ATP10B: variants seen among roughly 807,000 people sequenced by gnomAD.
The protein encoded by ATP10B is phospholipid-transporting ATPase VB.
ATP10B carries 122 observed loss-of-function variants against 141.2 expected under a neutral mutation model. The ratio of observed to expected loss-of-function variants is 0.86; its 90% CI spans 0.75 to 1.00. ATP10B has a LOEUF of 1.00. ATP10B is among the 50% of genes least tolerant of loss of function. The probability of loss-of-function intolerance (pLI) is 0.00; values close to 1 mark genes in which losing one functional copy is unlikely to be tolerated. For missense variants in ATP10B, 1,876 were observed against 1,825.3 expected (o/e 1.03, Z -0.51); for synonymous variants, 685 against 692.0 (o/e 0.99, Z 0.16).
intron 2 of ATP10B, among the ~76,000 whole-genome samples, chr5:160,761,925 T>C (rs951309243): frequency 6.6e-6 from 1 of 151,964 alleles, no homozygotes. Context: ...CTTAGAGAAA[T>C]GCAAAACACA....
the ATP10B span, among the ~76,000 whole-genome samples, chr5:160,870,075 A>G: frequency 2.0e-5 from 3 of 152,102 alleles, no homozygotes; most frequent in African/African-American, 7.2e-5. Context: ...GAATTAGGGG[A>G]AAGAAAATAC....
At chr5:160,834,683 C>T (rs1775309428) in intron 1 of ATP10B, among the ~76,000 whole-genome samples, 1 of 152,080 alleles carries the variant, frequency 6.6e-6, no homozygotes, top group Non-Finnish European at 1.5e-5. Context: ...TTTTGGTTCA[C>T]AATGTGCTTT....
chr5:160,590,834 C>G (rs1756238880), intron 23 of ATP10B, among the ~76,000 whole-genome samples: 1 of 152,194 alleles, frequency 6.6e-6, no homozygotes, highest in Admixed American at 6.5e-5. Flanking sequence ...AAAAAATGAC[C>G]CAGTATAAAT....
At chr5:160,584,452 C>G (rs1755757655) in intron 24 of ATP10B, among the ~76,000 whole-genome samples, 1 of 152,210 alleles carries the variant, frequency 6.6e-6, no homozygotes, top group Admixed American at 6.5e-5. Context: ...TTGCTAGGAA[C>G]TGCAGGCTGG....
Position 160,712,759 on chromosome 5 carries a change from A to C in ATP10B, c.-205+4150T>G, listed in dbSNP as rs1765414849. On this transcript the variant is annotated intron_variant, in intron 3 of 25. Transcript: ENST00000327245. ...TTCTCTTGTAGGCATTTAGTGCTAT[A>C]AACTTCTCTCTACACACTGCTTTGA... Among the ~76,000 whole-genome samples, 2 of 26,708 alleles carry C rather than the reference A, an allele frequency of 7.5e-5. 1 individual carries two copies. Among genetic ancestry groups the C allele is most frequent in the South Asian group, 3.3e-3 (2 of 612 alleles). The allele number at this position is 26,708 out of a possible 152,430, so 17.5% of individuals were successfully genotyped here.
At chr5:160,646,795 G>T (rs940658185) in intron 8 of ATP10B, among the ~76,000 whole-genome samples, 1 of 152,214 alleles carries the variant, frequency 6.6e-6, no homozygotes, top group Non-Finnish European at 1.5e-5. Context: ...AAAAGGATTT[G>T]CTATCTTATA....
intron 2 of ATP10B, among the ~76,000 whole-genome samples, chr5:160,736,032 A>G (rs1331379793): frequency 6.6e-6 from 1 of 152,200 alleles, no homozygotes; most frequent in Non-Finnish European, 1.5e-5. Flanking sequence ...GCCTATAAAG[A>G]GGAAAAACTT....
upstream of ATP10B, among the ~76,000 whole-genome samples, chr5:160,854,487 G>A (rs181194340): frequency 5.9e-3 from 894 of 152,198 alleles, 12 homozygotes; most frequent in African/African-American, 0.02. Context: ...CCATGTCCCT[G>A]CAAAGGACAT....
intron 7 of ATP10B, among the ~76,000 whole-genome samples, chr5:160,660,531 A>G (rs1449294235): frequency 6.6e-6 from 1 of 152,236 alleles, no homozygotes. Context: ...AAATGAGAGG[A>G]AAGACTCAAA....
At chr5:160,893,803 G>T in the ATP10B span, among the ~76,000 whole-genome samples, 4 of 152,170 alleles carry the variant, frequency 2.6e-5, no homozygotes, top group Non-Finnish European at 5.9e-5. Flanking sequence ...GCTCTGGCTG[G>T]CATCTGGCGG....
chr5:160,796,522 A>G (rs745387531), intron 1 of ATP10B, among the ~76,000 whole-genome samples: 1 of 152,142 alleles, frequency 6.6e-6, no homozygotes, highest in Non-Finnish European at 1.5e-5. Flanking sequence ...TCTTTCCCAG[A>G]TGCATTCAGG....
intron 1 of ATP10B, among the ~76,000 whole-genome samples, chr5:160,848,820 T>G (rs1753604160): frequency 6.6e-6 from 1 of 152,196 alleles, no homozygotes; most frequent in Non-Finnish European, 1.5e-5. Context: ...TCTAGCTATT[T>G]GATATAATAC....
intron 1 of ATP10B, among the ~76,000 whole-genome samples, chr5:160,820,360 G>T (rs1218816167): frequency 1.3e-5 from 2 of 151,760 alleles, no homozygotes; most frequent in Non-Finnish European, 1.5e-5. Context: ...CTAGTAACAA[G>T]TAACAAGATT....
At chr5:160,630,022 C>A (rs528272147) in intron 13 of ATP10B, among the ~76,000 whole-genome samples, 3 of 152,196 alleles carry the variant, frequency 2.0e-5, no homozygotes, top group Non-Finnish European at 4.4e-5. Context: ...AAAACCAGAA[C>A]CTCCATTTCC....
At position 160,851,956 on chromosome 5, in the gene ATP10B, G is replaced by A. The variant is rs189617260; in HGVS notation, c.-591C>T. ...TTTTACTTACCCCAGCAAAGCTGAC[G>A]TCCCTATTGAGCAGACTCCAGTAGA... is the stretch of plus-strand genomic sequence containing the variant. On this transcript the variant is annotated 5_prime_UTR_variant, in exon 1 of 26. The change creates a new upstream start codon in the 5' untranslated region. Transcript: ENST00000327245. The A allele has an allele frequency of 1.3e-5, 2 of 152,254 alleles. No homozygotes were observed. Among genetic ancestry groups the A allele is most frequent in the East Asian group, 3.9e-4 (2 of 5,182 alleles). The allele number at this position is 152,254 out of a possible 1,614,324, so 9.4% of individuals were successfully genotyped here. A position where few individuals can be genotyped will look rare whatever the true frequency, so the allele number is the denominator to read the frequency against.
chr5:160,881,776 A>C, the ATP10B span, among the ~76,000 whole-genome samples: 1 of 152,196 alleles, frequency 6.6e-6, no homozygotes, highest in East Asian at 1.9e-4. Flanking sequence ...GCGCCACTGC[A>C]CTCCAGCCTG....
chr5:160,749,383 GGAA>G (rs1235792637), intron 2 of ATP10B, among the ~76,000 whole-genome samples: 1 of 152,182 alleles, frequency 6.6e-6, no homozygotes, highest in Non-Finnish European at 1.5e-5. Flanking sequence ...CAGGGCCACA[GGAA>G]GAAGGAGCTG....
chr5:160,859,720 A>G, the ATP10B span, among the ~76,000 whole-genome samples: 5 of 151,932 alleles, frequency 3.3e-5, no homozygotes, highest in African/African-American at 9.7e-5. Context: ...AATGGTTTGT[A>G]TATCCAACAC....
At chr5:160,652,430 CTTATTTAT>C (rs70990738) in intron 7 of ATP10B, among the ~76,000 whole-genome samples, 11,165 of 129,562 alleles carry the variant, frequency 0.086, 829 homozygotes, top group East Asian at 0.34. Context: ...TGTCAGGGTT[CTTATTTAT>C]TTATTTATTT....
Sources: gnomAD v4.1 joint callset for allele counts (sites outside exome capture counted in the v4.1 genomes callset) on GRCh38, gnomAD v4.1.1 for gene constraint, MANE v1.5 for transcripts, NCBI Gene and HGNC (gene_info 2026-07-23, HGNC 2026-07-21) for gene names.